Variants in MAP3K11 observed in about 807,000 individuals in gnomAD.
MAP3K11 encodes the protein SH3 domain-containing proline-rich kinase.
Under a neutral mutation model 84.9 loss-of-function variants are expected in MAP3K11, and 46 were observed. That is an observed-to-expected ratio of 0.54 (90% CI 0.43 to 0.69). The LOEUF (loss-of-function observed/expected upper bound fraction) is 0.69. Among genes scored for constraint, MAP3K11 ranks in the 30% least tolerant of loss-of-function variants. The pLI, the probability that MAP3K11 is intolerant of heterozygous loss-of-function variation, is 0.00. For synonymous variants in MAP3K11, 527 were observed against 514.7 expected (o/e 1.02, Z -0.32); for missense variants, 1,053 against 1,198.3 (o/e 0.88, Z 1.79).
In MAP3K11 at chr11:65,608,318, A is replaced by T. The variant is rs753756607; in HGVS notation, c.870T>A (p.Ala290=). 6.2e-7 allele frequency: 1 copy of T among 1,614,180 alleles called. No homozygotes were observed. Among genetic ancestry groups the T allele is most frequent in the Non-Finnish European group, 8.5e-7 (1 of 1,180,024 alleles). ...MSAAGTYAWM[A]PEVIKASTFS... ...AGGTGGAGGCCTTGATAACCTCAGG[A>T]GCCATCCAGGCGTAGGTGCCCGCGG... Residue 290 remains alanine, a synonymous_variant, in exon 2 of 10, where the codon GCT becomes GCA. Coordinates refer to ENST00000309100, the MANE Select transcript of MAP3K11 (RefSeq NM_002419.4).
chr11:65,608,519 A>G, intron 1 of MAP3K11, 71 bp from the exon 2 acceptor site: 1 of 1,453,970 alleles, frequency 6.9e-7, no homozygotes, highest in Non-Finnish European at 9.6e-7. Flanking sequence ...GCTGGGAGCA[A>G]ACTCATCTGA....
rs776901400 is a variant in MAP3K11 at position 65,599,621 on chromosome 11, T to C, written c.1979A>G (p.Asp660Gly). ...ALLASLGLGR[D>G]LQPPGGPGRE... Reference sequence around the variant, plus strand: ...TCCTGGGCCTCCCGGCGGCTGCAGGTCGCGGCCAAGGCCCAGCGAGGCGAG... The same window carrying C: ...TCCTGGGCCTCCCGGCGGCTGCAGGCCGCGGCCAAGGCCCAGCGAGGCGAG... The change falls in exon 9 of 10, where the codon GAC becomes GGC. Residue 660 changes from aspartate to glycine, a missense_variant. Coordinates refer to ENST00000309100, the MANE Select transcript of MAP3K11 (RefSeq NM_002419.4). 6.5e-7 allele frequency: 1 copy of C among 1,540,818 alleles called. No homozygotes were observed. The highest frequency in any genetic ancestry group is 2.1e-5 in the Admixed American group (1 of 48,518).
intron 8 of MAP3K11, among the ~76,000 whole-genome samples, chr11:65,600,927 A>T (rs1383325796): frequency 6.6e-6 from 1 of 152,150 alleles, no homozygotes; most frequent in Non-Finnish European, 1.5e-5. Flanking sequence ...TGTCAGCCCC[A>T]ACCCTTACTC....
chr11:65,611,523 G>C (rs903505997), intron 1 of MAP3K11: 1 of 152,328 alleles, frequency 6.6e-6, no homozygotes, highest in Non-Finnish European at 1.5e-5. Context: ...CCCAGACTCT[G>C]AGAGGGAAGC....
chr11:65,606,137 A>AT, intron 6 of MAP3K11, 56 bp from the exon 7 acceptor site: 1 of 1,517,328 alleles, frequency 6.6e-7, no homozygotes, highest in African/African-American at 1.4e-5. Context: ...CCATCATCAC[A>AT]GTCAGGCTTC....
chr11:65,608,916 AAACATTTC>A (rs1854543056), intron 1 of MAP3K11: 2 of 159,732 alleles, frequency 1.3e-5, no homozygotes, highest in Non-Finnish European at 2.8e-5. Context: ...GGCCGAGGCC[AAACATTTC>A]ACACTCAACC....
intron 8 of MAP3K11, among the ~76,000 whole-genome samples, chr11:65,604,726 C>A (rs925507227): frequency 0.037 from 5,509 of 147,858 alleles, 327 homozygotes; most frequent in African/African-American, 0.12. Context: ...AGGCGATGGG[C>A]TGGGTGGGAT....
chr11:65,606,102 A>G, intron 6 of MAP3K11, 21 bp from the exon 7 acceptor site: 1 of 1,554,346 alleles, frequency 6.4e-7, no homozygotes, highest in Non-Finnish European at 8.6e-7. Flanking sequence ...AACCGATGAA[A>G]TCGGAGATAA....
Position 65,607,944 on chromosome 11 carries a change from C to A in MAP3K11, c.1047G>T (p.Glu349Asp), listed in dbSNP as rs371854714. ...TACCGGCCATAAGCTGTGCGAAGGG[C>A]TCGGGGCAGGTGGATGGGATGGGCA... ...LTLPIPSTCP[E>D]PFAQLMADCW... Residue 349 changes from glutamate to aspartate, a missense_variant, in exon 3 of 10, where the codon GAG becomes GAT. Physicochemically the swap from Glu to Asp is conservative, Grantham distance 45. Around this residue, in one of 3 missense-constraint regions of MAP3K11, gnomAD observed 310 missense variants for 464.5 expected, o/e 0.67. Transcript: ENST00000309100. 1.3e-5 allele frequency: 21 copies of A among 1,613,972 alleles called. No homozygotes were observed. The highest frequency in any genetic ancestry group is 1.7e-5 in the Non-Finnish European group (20 of 1,179,994).
At chr11:65,603,579 A>G (rs1854477946) in intron 8 of MAP3K11, among the ~76,000 whole-genome samples, 1 of 152,234 alleles carries the variant, frequency 6.6e-6, no homozygotes, top group Non-Finnish European at 1.5e-5. Context: ...ACCATCTCAC[A>G]GGGTCTGGGA....
intron 8 of MAP3K11, among the ~76,000 whole-genome samples, chr11:65,604,644 T>C (rs151189174): frequency 6.6e-6 from 1 of 152,338 alleles, no homozygotes; most frequent in African/African-American, 2.4e-5. Flanking sequence ...ACAGAACTGC[T>C]TGGCACATAG....
At chr11:65,604,083 G>A (rs927101199) in intron 8 of MAP3K11, among the ~76,000 whole-genome samples, 2 of 152,244 alleles carry the variant, frequency 1.3e-5, no homozygotes, top group Non-Finnish European at 2.9e-5. Flanking sequence ...AAGTGATTTT[G>A]GAATATGAAG....
rs1447742663 is a variant in MAP3K11 at position 65,613,005 on chromosome 11, C to G, written c.739+13G>C. 2 of 1,520,308 alleles carry G rather than the reference C, an allele frequency of 1.3e-6. No individual in the cohort carries two copies. The highest frequency in any genetic ancestry group is 2.2e-5 in the Admixed American group (1 of 45,334). 94.2% of individuals were successfully genotyped at this position (1,520,308 alleles called of 1,614,324 possible). A position where few individuals can be genotyped will look rare whatever the true frequency, so the allele number is the denominator to read the frequency against. ...GAGCCATGCCACCCCCAACCATGCC[C>G]CCAGAAACTCACTGTTGTTGGACTT... is the stretch of plus-strand genomic sequence containing the variant. On this transcript the variant is annotated intron_variant, in intron 1 of 9. Coordinates refer to ENST00000309100, the MANE Select transcript of MAP3K11 (RefSeq NM_002419.4).
Position 65,613,579 on chromosome 11 carries a change from G to A in MAP3K11, c.178C>T (p.Leu60=). The change falls in exon 1 of 10, where the codon CTG becomes TTG. Residue 60 remains leucine (L), a synonymous_variant. Coordinates refer to ENST00000309100, the MANE Select transcript of MAP3K11 (RefSeq NM_002419.4). ...ACACGGTCACCCTTCCTCAGGGCCAGCTCATCCTGCCCACTGGGCTCGTAG... is the reference window on the plus strand; with the variant it reads ...ACACGGTCACCCTTCCTCAGGGCCAACTCATCCTGCCCACTGGGCTCGTAG... ...FDYEPSGQDE[L]ALRKGDRVEV... The A allele has an allele frequency of 6.2e-7, 1 of 1,613,012 alleles. No individual in the cohort carries two copies. The highest frequency in any genetic ancestry group is 8.5e-7 in the Non-Finnish European group (1 of 1,179,892).
Position 65,608,346 on chromosome 11 carries a change from C to T in MAP3K11, c.842G>A (p.Ser281Asn). ...AREWHKTTQMSAAGTYAWMAP... is the reference protein window; with the variant it reads ...AREWHKTTQMNAAGTYAWMAP... Reference sequence around the variant, plus strand: ...CATCCAGGCGTAGGTGCCCGCGGCACTCATTTGTGTGGTTTTGTGCCACTC... The same window carrying T: ...CATCCAGGCGTAGGTGCCCGCGGCATTCATTTGTGTGGTTTTGTGCCACTC... Residue 281 changes from serine to asparagine, a missense_variant, in exon 2 of 10, where the codon AGT becomes AAT. Physicochemically the swap from Ser to Asn is conservative, Grantham distance 46. Transcript: ENST00000309100. 6.2e-7 allele frequency: 1 copy of T among 1,614,202 alleles called. No homozygotes were observed. The highest frequency in any genetic ancestry group is 8.5e-7 in the Non-Finnish European group (1 of 1,180,028).
intron 1 of MAP3K11, chr11:65,612,786 C>G (rs567323181): frequency 2.4e-6 from 1 of 418,268 alleles, no homozygotes; most frequent in Non-Finnish European, 4.2e-6. Flanking sequence ...TTGTCCAAAC[C>G]GCAGCTGCAG....
At chr11:65,611,881 C>T (rs896697891) in intron 1 of MAP3K11, 2 of 152,196 alleles carry the variant, frequency 1.3e-5, no homozygotes, top group African/African-American at 2.4e-5. Flanking sequence ...AGGTGGGAAC[C>T]GCACCCTACC....
At chr11:65,606,104 C>A (rs1008619490) in intron 6 of MAP3K11, 23 bp from the exon 7 acceptor site, 1 of 1,553,664 alleles carries the variant, frequency 6.4e-7, no homozygotes, top group Non-Finnish European at 8.6e-7. Flanking sequence ...CCGATGAAAT[C>A]GGAGATAATC....
chr11:65,605,668 A>T, intron 8 of MAP3K11, 93 bp downstream of exon 8: 2 of 848,378 alleles, frequency 2.4e-6, no homozygotes, highest in Non-Finnish European at 3.7e-6. Context: ...CCAGGGCAGG[A>T]CTCCTGCTTT....
Sources: gnomAD v4.1 joint callset for allele counts (sites outside exome capture counted in the v4.1 genomes callset) on GRCh38, gnomAD v4.1.1 for gene constraint, gnomAD v4.1.1 regional missense constraint, MANE v1.5 for transcripts, NCBI Gene and HGNC (gene_info 2026-07-23, HGNC 2026-07-21) for gene names.